Variants in CERS4 observed in about 807,000 individuals in gnomAD.
CERS4 encodes the protein ceramide synthase 4.
CERS4 carries 65 observed loss-of-function variants against 51.8 expected under a neutral mutation model. The observed-to-expected ratio is 1.26, with a 90% CI of 1.03 to 1.54. CERS4 has a LOEUF of 1.54. CERS4 is among the 40% of genes most tolerant of loss of function. The pLI, the probability that CERS4 is intolerant of heterozygous loss-of-function variation, is 0.00. For missense variants in CERS4, 563 were observed against 500.4 expected, an observed-to-expected ratio of 1.13 and a Z score of -1.19; for synonymous variants, 228 against 208.4, an observed-to-expected ratio of 1.09 and a Z score of -0.81.
intron 2 of CERS4, among the ~76,000 whole-genome samples, chr19:8,221,872 GTTTTTTTT>G (rs71165297): frequency 4.1e-4 from 16 of 39,488 alleles, no homozygotes; most frequent in African/African-American, 1.2e-3. Flanking sequence ...ATTTTTTTAT[GTTTTTTTT>G]TTTTTTTTTT....
chr19:8,252,052 C>T (rs373944269), intron 3 of CERS4, among the ~76,000 whole-genome samples: 1 of 130,844 alleles, frequency 7.6e-6, no homozygotes, highest in East Asian at 2.3e-4. Context: ...CATGGTGAAA[C>T]CTCATCTCTA....
intron 2 of CERS4, chr19:8,238,611 A>T: frequency 1.0e-6 from 1 of 984,792 alleles, no homozygotes. Flanking sequence ...GCACCAGGCC[A>T]GAGTTGGGTG....
intron 2 of CERS4, among the ~76,000 whole-genome samples, chr19:8,221,429 T>C (rs1164101051): frequency 1.3e-5 from 2 of 152,172 alleles, no homozygotes; most frequent in African/African-American, 4.8e-5. Context: ...GGCTAGCCTC[T>C]GCACGTGATG....
intron 2 of CERS4, among the ~76,000 whole-genome samples, chr19:8,244,201 C>G (rs1435901047): frequency 6.6e-6 from 1 of 152,164 alleles, no homozygotes; most frequent in African/African-American, 2.4e-5. Context: ...CCAGAAAAGG[C>G]AGGAAATGGC....
chr19:8,250,009 CT>C (rs1278853983), intron 2 of CERS4, among the ~76,000 whole-genome samples: 1 of 152,008 alleles, frequency 6.6e-6, no homozygotes, highest in Non-Finnish European at 1.5e-5. Flanking sequence ...CAGTTTTTCT[CT>C]GTTGCCCAGG....
At chr19:8,253,739 C>T (rs908320988) in intron 3 of CERS4, among the ~76,000 whole-genome samples, 4 of 151,978 alleles carry the variant, frequency 2.6e-5, no homozygotes, top group Admixed American at 6.6e-5. Flanking sequence ...TACAGGTGCA[C>T]GCCACCACAC....
intron 10 of CERS4, among the ~76,000 whole-genome samples, chr19:8,259,015 T>C (rs1969540339): frequency 6.6e-6 from 1 of 151,688 alleles, no homozygotes; most frequent in Non-Finnish European, 1.5e-5. Flanking sequence ...ACGCCCGTAA[T>C]CCCAGCTACT....
intron 3 of CERS4, among the ~76,000 whole-genome samples, chr19:8,253,196 T>C (rs1969179189): frequency 1.3e-5 from 2 of 152,224 alleles, no homozygotes; most frequent in Non-Finnish European, 2.9e-5. Flanking sequence ...ACGTGGCCAT[T>C]GACCAGGGTC....
At chr19:8,245,957 T>C (rs887463922) in intron 2 of CERS4, among the ~76,000 whole-genome samples, 1 of 139,686 alleles carries the variant, frequency 7.2e-6, no homozygotes, top group African/African-American at 2.7e-5. Flanking sequence ...AGGTGGCTCA[T>C]GCCTATAATC....
chr19:8,234,379 C>A (rs184595044), intron 2 of CERS4, among the ~76,000 whole-genome samples: 42 of 152,164 alleles, frequency 2.8e-4, no homozygotes, highest in African/African-American at 1.0e-3. Flanking sequence ...CTCACTGCAG[C>A]CTCCAACGCC....
At chr19:8,257,735 T>C in intron 9 of CERS4, 144 bp from the exon 10 acceptor site, 1 of 644,008 alleles carries the variant, frequency 1.6e-6, no homozygotes, top group Non-Finnish European at 2.8e-6. Context: ...CAGCCTATAT[T>C]CACACTCTTT....
intron 8 of CERS4, 94 bp from the exon 9 acceptor site, chr19:8,256,855 C>A (rs1969413444): frequency 1.9e-6 from 3 of 1,600,042 alleles, no homozygotes; most frequent in African/African-American, 1.3e-5. Flanking sequence ...AGAGGCCACA[C>A]CAACCCCCTG....
At chr19:8,213,732 G>A (rs1358112916) in intron 2 of CERS4, among the ~76,000 whole-genome samples, 1 of 152,086 alleles carries the variant, frequency 6.6e-6, no homozygotes, top group Non-Finnish European at 1.5e-5. Flanking sequence ...TTGAGAGGCC[G>A]AGGCGGGCAG....
At chr19:8,214,061 G>A (rs1967189939) in intron 2 of CERS4, among the ~76,000 whole-genome samples, 1 of 149,492 alleles carries the variant, frequency 6.7e-6, no homozygotes, top group Non-Finnish European at 1.5e-5. Context: ...ATAGGATGCT[G>A]TCACACACAC....
intron 2 of CERS4, among the ~76,000 whole-genome samples, chr19:8,221,029 G>T (rs949353959): frequency 6.6e-6 from 1 of 151,368 alleles, no homozygotes; most frequent in African/African-American, 2.4e-5. Flanking sequence ...GTTTCACCCT[G>T]TTAGCCAGGA....
At chr19:8,218,073 T>C (rs1402134950) in intron 2 of CERS4, among the ~76,000 whole-genome samples, 3 of 152,178 alleles carry the variant, frequency 2.0e-5, no homozygotes, top group Non-Finnish European at 2.9e-5. Flanking sequence ...CAAGCGATTC[T>C]ACTGCCTCAG....
chr19:8,257,789 C>T (rs1224254902), intron 9 of CERS4, 90 bp from the exon 10 acceptor site: 2 of 956,862 alleles, frequency 2.1e-6, no homozygotes, highest in Admixed American at 1.8e-5. Context: ...CAAGGCCCCA[C>T]CCCAACTCAC....
Position 8,261,809 on chromosome 19 carries a change from C to T in CERS4, c.970C>T (p.Leu324=). 1 of 1,614,180 alleles carries T rather than the reference C, an allele frequency of 6.2e-7. No homozygotes were observed. The change falls in exon 11 of 12, where the codon CTG becomes TTG. Residue 324 remains leucine, a synonymous_variant. Transcript: ENST00000251363. ...LLHVFWSCLI[L]RMLYSFMKKG... ...GCACGTGTTCTGGTCTTGCCTCATT[C>T]TGCGCATGCTCTATAGCTTCATGAA... is the stretch of plus-strand genomic sequence containing the variant.
At chr19:8,212,667 T>G (rs571991199) in intron 2 of CERS4, among the ~76,000 whole-genome samples, 1 of 152,138 alleles carries the variant, frequency 6.6e-6, no homozygotes, top group South Asian at 2.1e-4. Flanking sequence ...GAATGGAGTT[T>G]CGTTCTTGTC....
Sources: allele counts gnomAD v4.1 joint callset (sites outside exome capture counted in the v4.1 genomes callset), GRCh38; gene constraint gnomAD v4.1.1; transcripts MANE v1.5; gene names NCBI Gene and HGNC (gene_info 2026-07-23, HGNC 2026-07-21).